The following DNAJC21 variants were observed in gnomAD, a reference collection of about 807,000 sequenced individuals.
DNAJC21 encodes DnaJ heat shock protein family (Hsp40) member C21.
A neutral mutation model predicts 72.4 loss-of-function variants in DNAJC21; 63 were observed. The observed-to-expected ratio is 0.87, with a 90% confidence interval of 0.71 to 1.07. DNAJC21 has a LOEUF of 1.07. Among genes scored for constraint, DNAJC21 ranks in the 50% least tolerant of loss-of-function variants. The probability of loss-of-function intolerance (pLI) is 0.00; values close to 1 mark genes in which losing one functional copy is unlikely to be tolerated. For missense variants in DNAJC21, 634 were observed against 644.8 expected (o/e 0.98, Z 0.18); for synonymous variants, 203 against 216.7 (o/e 0.94, Z 0.56).
In DNAJC21 at chr5:34,936,210, G is replaced by T. The variant is rs1224423871; in HGVS notation, c.382G>T (p.Glu128Ter). Residue 128 changes from glutamate to a stop codon, truncating the protein, a stop_gained, in exon 4 of 12, where the codon GAG (glutamate) becomes TAG (stop). Coordinates refer to ENST00000648817, the MANE Select transcript of DNAJC21 (RefSeq NM_001012339.3). LOFTEE classifies it high-confidence loss of function. ...CAAGGAAGAACTAGAATCTGTGTTA[G>T]AGGAAGAGGTTGATGATTTCCCAAC... is the stretch of plus-strand genomic sequence containing the variant. The part of the protein sequence containing the change: ...IAKEELESVL[E>*]EEVDDFPTFG... The T allele has an allele frequency of 6.2e-7, 1 of 1,614,004 alleles. No homozygotes were observed. The highest frequency in any genetic ancestry group is 8.5e-7 in the Non-Finnish European group (1 of 1,180,012).
At chr5:34,951,660 T>C (rs1765371350) in intron 10 of DNAJC21, 2 of 825,372 alleles carry the variant, frequency 2.4e-6, no homozygotes, top group Non-Finnish European at 2.9e-6. Context: ...CTCGAGTTGC[T>C]GGGACTGCAG....
rs377107707 is a variant in DNAJC21 at position 34,938,912 on chromosome 5, A to G, written c.798A>G (p.Lys266=). 37 of 1,614,080 alleles carry G rather than the reference A, an allele frequency of 2.3e-5. No individual in the cohort carries two copies. The highest frequency in any genetic ancestry group is 1.6e-4 in the African/African-American group (12 of 74,946). The change falls in exon 6 of 12, where the codon AAA becomes AAG. Residue 266 remains lysine, a synonymous_variant. Coordinates refer to ENST00000648817, the MANE Select transcript of DNAJC21 (RefSeq NM_001012339.3). ...QSWMTMANLE[K]ELQEMEARYE... ...GGATGACTATGGCCAATTTGGAGAA[A>G]GAGCTCCAGGAGATGGAGGCACGGT... is the stretch of plus-strand genomic sequence containing the variant.
chr5:34,951,252 G>A (rs1184449993), intron 10 of DNAJC21: 8 of 985,312 alleles, frequency 8.1e-6, no homozygotes, highest in African/African-American at 3.5e-5. Context: ...CCTAGAAAGG[G>A]AAATTCACAT....
At position 34,944,987 on chromosome 5, in the gene DNAJC21, C is replaced by A; in HGVS notation, c.1104C>A (p.Asp368Glu). ...AAATTGATGAAAATCCATTAGATGA[C>A]AATTCTGAGGAAGAAATGGAAGATG... Reference protein sequence around the residue: ...RPQIDENPLDDNSEEEMEDAP... With the variant: ...RPQIDENPLDENSEEEMEDAP... Residue 368 changes from aspartate (D) to glutamate (E), a missense_variant, in exon 8 of 12, where the codon GAC (aspartate) becomes GAA (glutamate). Asp to Glu is a conservative substitution (Grantham distance 45). Coordinates refer to ENST00000648817, the MANE Select transcript of DNAJC21 (RefSeq NM_001012339.3). 1 of 1,613,874 alleles carries A rather than the reference C, an allele frequency of 6.2e-7. No homozygotes were observed. Among genetic ancestry groups the A allele is most frequent in the Non-Finnish European group, 8.5e-7 (1 of 1,179,942 alleles).
At chr5:34,936,354 T>G (rs921566227) in intron 4 of DNAJC21, 88 bp downstream of exon 4, 8 of 1,482,792 alleles carry the variant, frequency 5.4e-6, no homozygotes. Flanking sequence ...GGTCTCACTC[T>G]GTCACCCAGG....
chr5:34,939,286 T>A (rs1034841856), intron 6 of DNAJC21, among the ~76,000 whole-genome samples: 7 of 149,900 alleles, frequency 4.7e-5, no homozygotes, highest in Non-Finnish European at 3.0e-5. Context: ...TGAGACGGAG[T>A]CTCGCTCTGT....
intron 4 of DNAJC21, 142 bp downstream of exon 4, chr5:34,936,408 T>C: frequency 2.0e-6 from 2 of 1,011,738 alleles, no homozygotes; most frequent in Non-Finnish European, 2.7e-6. Flanking sequence ...AGCCTCAAAC[T>C]CCTGGGCTTA....
At chr5:34,948,554 A>G (rs577367116) in intron 9 of DNAJC21, among the ~76,000 whole-genome samples, 1 of 152,342 alleles carries the variant, frequency 6.6e-6, no homozygotes, top group African/African-American at 2.4e-5. Flanking sequence ...AAATTTATGT[A>G]TCTATATTGA....
At position 34,936,220 on chromosome 5, in the gene DNAJC21, T is replaced by G; in HGVS notation, c.392T>G (p.Val131Gly). ...EELESVLEEE[V>G]DDFPTFGDSQ... ...CTAGAATCTGTGTTAGAGGAAGAGG[T>G]TGATGATTTCCCAACTTTTGGAGAC... The change falls in exon 4 of 12, where the codon GTT becomes GGT. Residue 131 changes from valine to glycine, a missense_variant. Val to Gly is a moderately radical substitution (Grantham distance 109). Coordinates refer to ENST00000648817, the MANE Select transcript of DNAJC21 (RefSeq NM_001012339.3). 1 of 1,614,092 alleles carries G rather than the reference T, an allele frequency of 6.2e-7. No homozygotes were observed. Among genetic ancestry groups the G allele is most frequent in the Non-Finnish European group, 8.5e-7 (1 of 1,179,990 alleles).
chr5:34,951,560 C>T (rs1296707518), intron 10 of DNAJC21: 3 of 982,828 alleles, frequency 3.1e-6, no homozygotes, highest in Non-Finnish European at 3.6e-6. Flanking sequence ...TGGAGTCTCG[C>T]TCTGTTGCCC....
intron 5 of DNAJC21, 79 bp from the exon 6 acceptor site, chr5:34,938,779 T>A (rs1764881094): frequency 9.2e-6 from 13 of 1,409,100 alleles, no homozygotes; most frequent in Non-Finnish European, 1.0e-5. Context: ...CTAGTGGGAA[T>A]GGATTTTAAA....
chr5:34,945,605 ATACTT>A, intron 8 of DNAJC21, 151 bp from the exon 9 acceptor site: 2 of 606,328 alleles, frequency 3.3e-6, no homozygotes, highest in Non-Finnish European at 5.4e-6. Flanking sequence ...GACAATGTGA[ATACTT>A]TATTTTCCTT....
chr5:34,955,880 C>T lies in DNAJC21; in HGVS notation c.*1166C>T, dbSNP rs1168100906. ...CATCCCGGCTAAAACGGTGAAACCCCGTCTCTACTAAAAATACAAAAAATT... is the reference window on the plus strand; with the variant it reads ...CATCCCGGCTAAAACGGTGAAACCCTGTCTCTACTAAAAATACAAAAAATT... On this transcript the variant is annotated 3_prime_UTR_variant, in exon 12 of 12. Transcript: ENST00000648817. The T allele has an allele frequency of 2.7e-5, 4 of 149,456 alleles. No individual in the cohort carries two copies. Among genetic ancestry groups the T allele is most frequent in the Admixed American group, 2.0e-4 (3 of 15,038 alleles). The allele number at this position is 149,456 out of a possible 1,614,324, so 9.3% of individuals were successfully genotyped here. A position where few individuals can be genotyped will look rare whatever the true frequency, so the allele number is the denominator to read the frequency against.
At chr5:34,936,322 A>AT (rs1764776404) in intron 4 of DNAJC21, 56 bp downstream of exon 4, 2 of 1,581,648 alleles carry the variant, frequency 1.3e-6, no homozygotes, top group Non-Finnish European at 1.7e-6. Context: ...TCATTTTTAA[A>AT]TTTTATTTTA....
At chr5:34,932,947 G>A (rs1764650201) in intron 1 of DNAJC21, among the ~76,000 whole-genome samples, 1 of 152,252 alleles carries the variant, frequency 6.6e-6, no homozygotes, top group East Asian at 1.9e-4. Flanking sequence ...TGCTGACACA[G>A]AAGGGACTGC....
intron 10 of DNAJC21, chr5:34,950,760 A>G (rs376941982): frequency 2.0e-6 from 2 of 988,176 alleles, no homozygotes; most frequent in Non-Finnish European, 2.4e-6. Flanking sequence ...GTGAGGACAC[A>G]TGGCAGCAGC....
In DNAJC21 at chr5:34,929,890, G is replaced by A; in HGVS notation, c.71G>A (p.Arg24Gln). The A allele has an allele frequency of 1.3e-6, 2 of 1,583,242 alleles. No individual in the cohort carries two copies. Among genetic ancestry groups the A allele is most frequent in the African/African-American group, 1.4e-5 (1 of 71,936 alleles). Residue 24 changes from arginine to glutamine, a missense_variant, in exon 1 of 12, where the codon CGG (arginine) becomes CAG (glutamine). Coordinates refer to ENST00000648817, the MANE Select transcript of DNAJC21 (RefSeq NM_001012339.3). ...ASEEELKKAY[R>Q]KLALKWHPDK... ...GAGGAGGAGCTCAAGAAGGCCTATCGGAAGCTGGCCCTGAAATGGCACCCG... is the reference window on the plus strand; with the variant it reads ...GAGGAGGAGCTCAAGAAGGCCTATCAGAAGCTGGCCCTGAAATGGCACCCG...
intron 9 of DNAJC21, chr5:34,949,612 T>C: frequency 2.5e-6 from 4 of 1,598,970 alleles, no homozygotes; most frequent in Non-Finnish European, 3.4e-6. Context: ...AAAGTGTGTG[T>C]TGGGAGAGAG....
At chr5:34,940,087 AC>A (rs1293704216) in intron 6 of DNAJC21, among the ~76,000 whole-genome samples, 1 of 152,162 alleles carries the variant, frequency 6.6e-6, no homozygotes, top group Non-Finnish European at 1.5e-5. Context: ...GGATCGTCAC[AC>A]AATCCCCCTT....
Sources: gnomAD v4.1 joint callset for allele counts (sites outside exome capture counted in the v4.1 genomes callset) on GRCh38, gnomAD v4.1.1 for gene constraint, MANE v1.5 for transcripts, NCBI Gene and HGNC (gene_info 2026-07-23, HGNC 2026-07-21) for gene names.